The following TRPM2 variants were observed in gnomAD, a reference collection of about 807,000 sequenced individuals.
TRPM2 encodes transient receptor potential cation channel subfamily M member 2.
A neutral mutation model predicts 174.0 loss-of-function variants in TRPM2; 161 were observed. That is an observed-to-expected ratio of 0.93 (90% CI 0.81 to 1.05). The LOEUF (loss-of-function observed/expected upper bound fraction) is 1.05, where lower values mean the gene tolerates loss of function less well. Among genes scored for constraint, TRPM2 ranks in the 50% least tolerant of loss-of-function variants. The pLI is 0.00. For missense variants in TRPM2, 2,057 were observed against 2,038.0 expected (o/e 1.01, Z -0.18); for synonymous variants, 954 against 861.3 (o/e 1.11, Z -1.88).
At chr21:44,385,167 T>C (rs988378540) in intron 9 of TRPM2, among the ~76,000 whole-genome samples, 1 of 152,282 alleles carries the variant, frequency 6.6e-6, no homozygotes, top group East Asian at 1.9e-4. Flanking sequence ...AACAGAATGA[T>C]GGGGAAAAAA....
intron 9 of TRPM2, among the ~76,000 whole-genome samples, chr21:44,388,662 A>AAC (rs1428353543): frequency 4.7e-5 from 7 of 149,900 alleles, no homozygotes; most frequent in Non-Finnish European, 1.0e-4. Flanking sequence ...AAAAAAAAAA[A>AAC]AAAAAAAAAC....
At chr21:44,431,755 C>T (rs890199195) in intron 27 of TRPM2, among the ~76,000 whole-genome samples, 4 of 152,176 alleles carry the variant, frequency 2.6e-5, no homozygotes, top group Admixed American at 2.0e-4. Flanking sequence ...GGATTACGGG[C>T]GTGAGCCACT....
intron 19 of TRPM2, among the ~76,000 whole-genome samples, chr21:44,411,353 A>C (rs1250121166): frequency 6.6e-6 from 1 of 152,038 alleles, no homozygotes; most frequent in Non-Finnish European, 1.5e-5. Flanking sequence ...TTATTGTCCA[A>C]GCTATTATAA....
intron 22 of TRPM2, chr21:44,422,183 T>G (rs1045179184): frequency 7.6e-6 from 11 of 1,443,482 alleles, no homozygotes; most frequent in Non-Finnish European, 1.0e-5. Flanking sequence ...GTGAAGAAGC[T>G]GGGCACCTGG....
Position 44,376,410 on chromosome 21 carries a change from A to AT in TRPM2, c.952+405dup, listed in dbSNP as rs1054990307. Among the ~76,000 whole-genome samples the AT allele has an allele frequency of 6.6e-6, 1 of 151,724 alleles. No homozygotes were observed. Among genetic ancestry groups the AT allele is most frequent in the East Asian group, 1.9e-4 (1 of 5,172 alleles). Reference sequence around the variant, plus strand: ...GCTCGCAGGTAATGGGCCAACCTACATTTTTTTTGGGACAGGGTCTGGAGC... The same window carrying AT: ...GCTCGCAGGTAATGGGCCAACCTACATTTTTTTTTGGGACAGGGTCTGGAGC... On this transcript the variant is annotated intron_variant, in intron 6 of 31. Coordinates refer to ENST00000397928, the MANE Select transcript of TRPM2 (RefSeq NM_003307.4). This position sits in a 1 kb window ranked among gnomAD's most constrained non-coding sequence, Gnocchi z 4.2.
At chr21:44,387,968 G>A (rs141004676) in intron 9 of TRPM2, among the ~76,000 whole-genome samples, 10 of 152,308 alleles carry the variant, frequency 6.6e-5, no homozygotes, top group East Asian at 3.9e-4. Flanking sequence ...TGCAGCTGCC[G>A]TGGAAAACAG....
Position 44,403,821 on chromosome 21 carries a change from GCA to G in TRPM2, c.2539-1314_2539-1313del, listed in dbSNP as rs923733830. Among the ~76,000 whole-genome samples the G allele has an allele frequency of 4.0e-5, 6 of 151,084 alleles. No homozygotes were observed. The South Asian group carries it at 6.3e-4, about 16-fold the overall frequency. On this transcript the variant is annotated intron_variant, in intron 16 of 31. Transcript: ENST00000397928. ...CACAGATAAACACATGTATACACAT[GCA>G]CACACATGCATACACACATTACACG... is the stretch of plus-strand genomic sequence containing the variant.
rs1378912924 is a variant in TRPM2 at position 44,395,558 on chromosome 21, A to G, written c.1932+7A>G. The G allele has an allele frequency of 6.2e-7, 1 of 1,612,738 alleles. No homozygotes were observed. The highest frequency in any genetic ancestry group is 1.7e-5 in the Admixed American group (1 of 59,996). ...AGGAATCATCTGGGCTCAGGTAATA[A>G]GACTGGCTTCTCAGTCTCAGCAGAC... is the stretch of plus-strand genomic sequence containing the variant. On this transcript the variant is annotated splice_region_variant and intron_variant, in intron 12 of 31. Transcript: ENST00000397928.
At position 44,405,810 on chromosome 21, in the gene TRPM2, C is replaced by T. The variant is rs1053894414; in HGVS notation, c.2658-95C>T. ...CAGAGCCCTTTGCCTCCAGGGCCCA[C>T]CTGGGCTAGGACAGGTGGAGGGGCG... On this transcript the variant is annotated intron_variant, in intron 17 of 31. Coordinates refer to ENST00000397928, the MANE Select transcript of TRPM2 (RefSeq NM_003307.4). 1.5e-5 allele frequency: 22 copies of T among 1,487,730 alleles called. No homozygotes were observed. The African/African-American group carries it at 2.9e-4, about 20-fold the overall frequency. The allele number at this position is 1,487,730 out of a possible 1,614,324, so 92.2% of individuals were successfully genotyped here. A position where few individuals can be genotyped will look rare whatever the true frequency, so the allele number is the denominator to read the frequency against.
At chr21:44,350,797 T>C (rs1365599409), upstream of TRPM2, among the ~76,000 whole-genome samples, 1 of 152,054 alleles carries the variant, frequency 6.6e-6, no homozygotes, top group African/African-American at 2.4e-5. Context: ...GTGCGGTCTG[T>C]CTGCGGGACG....
rs150098872 is a variant in TRPM2 at position 44,397,923 on chromosome 21, T to C, written c.2062+47T>C. ...CTGCAGGCCATGGCTCAGCCGTGCA[T>C]GCCCTCACCTGGAGTTCCCATCCCT... On this transcript the variant is annotated intron_variant, in intron 13 of 31. Transcript: ENST00000397928. The C allele has an allele frequency of 1.3e-4, 197 of 1,523,334 alleles. No homozygotes were observed. In the African/African-American group the frequency reaches 2.4e-3, roughly 18 times the overall value. The allele number at this position is 1,523,334 out of a possible 1,614,324, so 94.4% of individuals were successfully genotyped here. A position where few individuals can be genotyped will look rare whatever the true frequency, so the allele number is the denominator to read the frequency against.
intron 27 of TRPM2, among the ~76,000 whole-genome samples, chr21:44,428,364 C>CCCCTGAGGTGTGGCTCCT (rs1173040128): frequency 6.6e-6 from 1 of 151,734 alleles, no homozygotes; most frequent in Non-Finnish European, 1.5e-5. Context: ...TCTGGCCCCT[C>CCCCTGAGGTGTGGCTCCT]CCCTGAGGTG....
intron 15 of TRPM2, among the ~76,000 whole-genome samples, chr21:44,400,864 C>T (rs1489097844): frequency 6.6e-6 from 1 of 152,222 alleles, no homozygotes; most frequent in Non-Finnish European, 1.5e-5. Context: ...TCCCCACCTG[C>T]ACCTCCTCAG....
At chr21:44,408,523 G>A (rs1026039340) in intron 19 of TRPM2, among the ~76,000 whole-genome samples, 2 of 151,738 alleles carry the variant, frequency 1.3e-5, no homozygotes, top group African/African-American at 2.4e-5. Flanking sequence ...ATCCCGGTGG[G>A]TGAGAAGTGG....
Position 44,440,306 on chromosome 21 carries a change from A to AC in TRPM2, c.4270-483_4270-482insC, listed in dbSNP as rs1366727069. Among the ~76,000 whole-genome samples the AC allele has an allele frequency of 7.2e-3, 952 of 132,012 alleles. 42 individuals are homozygous for AC. The highest frequency in any genetic ancestry group is 0.031 in the African/African-American group (893 of 28,406). The allele number at this position is 132,012 out of a possible 152,430, so 86.6% of individuals were successfully genotyped here. A position where few individuals can be genotyped will look rare whatever the true frequency, so the allele number is the denominator to read the frequency against. ...AGCCGAGGTTGCACCACTGCGCTCAAAAAAAAAAAAAAAAAAAAAAAAAGT... is the reference window on the plus strand; with the variant it reads ...AGCCGAGGTTGCACCACTGCGCTCAACAAAAAAAAAAAAAAAAAAAAAAAGT... On this transcript the variant is annotated intron_variant, in intron 30 of 31. Transcript: ENST00000397928.
At chr21:44,424,137 G>A (rs965435873) in intron 23 of TRPM2, among the ~76,000 whole-genome samples, 13 of 152,096 alleles carry the variant, frequency 8.5e-5, no homozygotes, top group Admixed American at 7.2e-4. Flanking sequence ...ACGTCCACCA[G>A]CTGGGCCGGG....
At chr21:44,407,411 C>T (rs867719478) in intron 19 of TRPM2, among the ~76,000 whole-genome samples, 59 of 147,724 alleles carry the variant, frequency 4.0e-4, no homozygotes, top group Middle Eastern at 3.5e-3. Flanking sequence ...CAGGCGTGAG[C>T]CACCATGCCT....
At chr21:44,368,276 T>G (rs1173809383) in intron 4 of TRPM2, among the ~76,000 whole-genome samples, 2 of 152,144 alleles carry the variant, frequency 1.3e-5, no homozygotes, top group Non-Finnish European at 2.9e-5. Context: ...TATGCCACCA[T>G]GCCAGGCTAA....
intron 23 of TRPM2, among the ~76,000 whole-genome samples, chr21:44,424,057 A>G (rs1435948865): frequency 3.3e-5 from 5 of 152,066 alleles, no homozygotes; most frequent in Admixed American, 1.3e-4. Context: ...TGAGCCCTGG[A>G]GAGGCCGCAA....
Sources: gnomAD v4.1 joint callset for allele counts (sites outside exome capture counted in the v4.1 genomes callset) on GRCh38, gnomAD v4.1.1 for gene constraint, Gnocchi (gnomAD v3.1) non-coding constraint, MANE v1.5 for transcripts, NCBI Gene and HGNC (gene_info 2026-07-23, HGNC 2026-07-21) for gene names.